The following SCHIP1 variants were observed in gnomAD, a reference collection of about 807,000 sequenced individuals.
SCHIP1 encodes schwannomin-interacting protein 1.
Under a neutral mutation model 29.7 loss-of-function variants are expected in SCHIP1, and 8 were observed. The observed-to-expected ratio is 0.27, with a 90% CI of 0.16 to 0.49. SCHIP1 has a LOEUF of 0.49. Among genes scored for constraint, SCHIP1 ranks in the 20% least tolerant of loss-of-function variants. The pLI, the probability that SCHIP1 is intolerant of heterozygous loss-of-function variation, is 0.99. For synonymous variants in SCHIP1, 76 were observed against 94.9 expected, an observed-to-expected ratio of 0.80 and a Z score of 1.16; for missense variants, 193 against 294.6, an observed-to-expected ratio of 0.66 and a Z score of 2.52.
chr3:159,590,527 A>C, the SCHIP1 span, among the ~76,000 whole-genome samples: 1 of 151,998 alleles, frequency 6.6e-6, no homozygotes, highest in African/African-American at 2.4e-5. Context: ...AGTGAGCTGA[A>C]ATTGTGCCAC....
the SCHIP1 span, among the ~76,000 whole-genome samples, chr3:159,657,338 G>A: frequency 2.6e-5 from 4 of 152,204 alleles, no homozygotes; most frequent in East Asian, 3.8e-4. Context: ...GACTTGTGCA[G>A]TCACTGTTGT....
At chr3:159,550,136 TTA>T in the SCHIP1 span, among the ~76,000 whole-genome samples, 51 of 106,948 alleles carry the variant, frequency 4.8e-4, 1 homozygote, top group African/African-American at 1.5e-3. Context: ...ATCTTTCTTT[TTA>T]TATGTGTGTG....
chr3:159,818,299 A>G, the SCHIP1 span, among the ~76,000 whole-genome samples: 1 of 152,242 alleles, frequency 6.6e-6, no homozygotes. Context: ...AGCTGTAAAC[A>G]AATAGTTGGG....
chr3:159,785,853 A>G, the SCHIP1 span, among the ~76,000 whole-genome samples: 4 of 152,232 alleles, frequency 2.6e-5, no homozygotes, highest in African/African-American at 9.6e-5. Flanking sequence ...GGCAGCTTAT[A>G]CTTTCATAGA....
chr3:159,728,561 A>T, the SCHIP1 span, among the ~76,000 whole-genome samples: 3 of 152,194 alleles, frequency 2.0e-5, no homozygotes, highest in African/African-American at 7.2e-5. Context: ...TCTGTCTCAC[A>T]TTGGTTGGAG....
the SCHIP1 span, among the ~76,000 whole-genome samples, chr3:159,726,491 A>T: frequency 1.3e-5 from 2 of 152,172 alleles, no homozygotes; most frequent in African/African-American, 4.8e-5. Flanking sequence ...GTGAATTCTT[A>T]TTGCCTTGCT....
At chr3:159,730,739 T>C in the SCHIP1 span, among the ~76,000 whole-genome samples, 1 of 152,188 alleles carries the variant, frequency 6.6e-6, no homozygotes, top group African/African-American at 2.4e-5. Flanking sequence ...AAATCATGTA[T>C]TTATTTGACC....
intron 2 of SCHIP1, among the ~76,000 whole-genome samples, chr3:159,866,567 C>G (rs1714653335): frequency 6.6e-6 from 1 of 152,066 alleles, no homozygotes; most frequent in South Asian, 2.1e-4. Flanking sequence ...ATAGAGGAAT[C>G]AAGCCACACT....
At chr3:159,572,109 T>C in the SCHIP1 span, among the ~76,000 whole-genome samples, 2 of 152,186 alleles carry the variant, frequency 1.3e-5, no homozygotes, top group African/African-American at 4.8e-5. Context: ...AGGGTTTTTT[T>C]ATGTCTCTGT....
At chr3:159,353,108 G>A in the SCHIP1 span, among the ~76,000 whole-genome samples, 2 of 151,998 alleles carry the variant, frequency 1.3e-5, no homozygotes, top group Non-Finnish European at 2.9e-5. Flanking sequence ...CAGTTGTTAG[G>A]GCTTAGTTAT....
the SCHIP1 span, among the ~76,000 whole-genome samples, chr3:159,483,681 A>G: frequency 6.6e-6 from 1 of 152,220 alleles, no homozygotes; most frequent in Admixed American, 6.5e-5. Context: ...AATTTGTGAT[A>G]AAATTGATCA....
At chr3:159,691,499 A>G in the SCHIP1 span, among the ~76,000 whole-genome samples, 1 of 142,814 alleles carries the variant, frequency 7.0e-6, no homozygotes, top group East Asian at 2.0e-4. Context: ...GTATCTTTGC[A>G]CCTGAGATGG....
the SCHIP1 span, among the ~76,000 whole-genome samples, chr3:159,339,256 A>T: frequency 1.6e-5 from 1 of 63,100 alleles, no homozygotes; most frequent in Non-Finnish European, 3.0e-5. Context: ...CATTAGAATT[A>T]AAAAAAAAAA....
the SCHIP1 span, among the ~76,000 whole-genome samples, chr3:159,591,706 G>T: frequency 2.0e-5 from 3 of 152,054 alleles, no homozygotes; most frequent in African/African-American, 7.2e-5. Context: ...CTCATAAGTG[G>T]GAGGTGAACA....
chr3:159,557,090 T>C, the SCHIP1 span, among the ~76,000 whole-genome samples: 1 of 151,682 alleles, frequency 6.6e-6, no homozygotes, highest in Non-Finnish European at 1.5e-5. Context: ...CCCAAGTAGC[T>C]GGGACTGCAT....
the SCHIP1 span, among the ~76,000 whole-genome samples, chr3:159,446,829 A>C: frequency 1.9e-4 from 29 of 152,306 alleles, no homozygotes; most frequent in South Asian, 6.2e-4. Context: ...GAACCATCTC[A>C]AGGTTTTTTT....
At chr3:159,517,211 G>GA in the SCHIP1 span, among the ~76,000 whole-genome samples, 14 of 152,180 alleles carry the variant, frequency 9.2e-5, no homozygotes, top group Non-Finnish European at 1.8e-4. Flanking sequence ...TATATTATCA[G>GA]AAAAAATATT....
At chr3:159,442,817 AG>A in the SCHIP1 span, among the ~76,000 whole-genome samples, 7 of 152,196 alleles carry the variant, frequency 4.6e-5, no homozygotes, top group African/African-American at 1.7e-4. Context: ...ACAGGCTCAC[AG>A]GGTGGTAAGA....
At chr3:159,339,421 C>G in the SCHIP1 span, among the ~76,000 whole-genome samples, 1 of 152,118 alleles carries the variant, frequency 6.6e-6, no homozygotes, top group Non-Finnish European at 1.5e-5. Flanking sequence ...AAATATTGTC[C>G]AAGGTCAGAA....
Sources: allele counts gnomAD v4.1 joint callset (sites outside exome capture counted in the v4.1 genomes callset), GRCh38; gene constraint gnomAD v4.1.1; transcripts MANE v1.5; gene names NCBI Gene and HGNC (gene_info 2026-07-23, HGNC 2026-07-21).